Variants in SLC35D2 observed in about 807,000 individuals in gnomAD.
SLC35D2 encodes the protein solute carrier family 35 member D2.
Under a neutral mutation model 41.8 loss-of-function variants are expected in SLC35D2, and 43 were observed. The observed-to-expected ratio is 1.03, with a 90% CI of 0.81 to 1.33. The LOEUF (loss-of-function observed/expected upper bound fraction) is 1.33. SLC35D2 is among the 40% of genes most tolerant of loss of function. The pLI is 0.00. For synonymous variants in SLC35D2, 150 were observed against 163.9 expected (o/e 0.92, Z 0.65); for missense variants, 380 against 408.4 (o/e 0.93, Z 0.60).
At chr9:96,331,922 G>C (rs1479289984) in intron 9 of SLC35D2, among the ~76,000 whole-genome samples, 1 of 152,154 alleles carries the variant, frequency 6.6e-6, no homozygotes, top group East Asian at 1.9e-4. Context: ...ATAATCTGAG[G>C]TGGAAGAGTT....
At chr9:96,336,995 T>TA (rs34806341) in intron 8 of SLC35D2, among the ~76,000 whole-genome samples, 7 of 152,132 alleles carry the variant, frequency 4.6e-5, no homozygotes, top group Non-Finnish European at 1.0e-4. Context: ...CTAGCTTATT[T>TA]AAAAAAAGGA....
intron 6 of SLC35D2, among the ~76,000 whole-genome samples, chr9:96,348,854 G>A (rs532182576): frequency 5.3e-5 from 8 of 152,308 alleles, no homozygotes; most frequent in African/African-American, 1.7e-4. Context: ...ACTGGTTCTG[G>A]AAACGCACCT....
intron 8 of SLC35D2, among the ~76,000 whole-genome samples, chr9:96,341,148 G>T (rs1175158829): frequency 6.6e-6 from 1 of 152,024 alleles, no homozygotes; most frequent in African/African-American, 2.4e-5. Context: ...TTAGCTGGGT[G>T]TGGTGGTGCG....
intron 10 of SLC35D2, among the ~76,000 whole-genome samples, chr9:96,323,554 C>T (rs1374998420): frequency 6.6e-6 from 1 of 152,130 alleles, no homozygotes; most frequent in Admixed American, 6.5e-5. Flanking sequence ...CTCTGAGCCA[C>T]CCCCAACTTA....
At chr9:96,379,807 G>A (rs1358457903) in intron 1 of SLC35D2, among the ~76,000 whole-genome samples, 2 of 151,990 alleles carry the variant, frequency 1.3e-5, no homozygotes, top group African/African-American at 4.8e-5. Context: ...TATTTAAAAG[G>A]ATTATGAGGG....
At chr9:96,354,639 G>A (rs975644200) in intron 4 of SLC35D2, among the ~76,000 whole-genome samples, 7 of 151,696 alleles carry the variant, frequency 4.6e-5, no homozygotes, top group African/African-American at 1.5e-4. Flanking sequence ...GTAGTGGTGC[G>A]TGACTATAAT....
At chr9:96,331,095 G>A (rs546179878) in intron 9 of SLC35D2, among the ~76,000 whole-genome samples, 9 of 152,122 alleles carry the variant, frequency 5.9e-5, no homozygotes, top group South Asian at 2.1e-4. Context: ...ACAGGGTTTC[G>A]CCATGTTGGC....
chr9:96,374,211 C>T (rs1587723573), intron 1 of SLC35D2: 1 of 152,276 alleles, frequency 6.6e-6, no homozygotes, highest in East Asian at 1.9e-4. Context: ...TGAATAGCTT[C>T]TATAATATGA....
chr9:96,381,798 A>T (rs1344906898), intron 1 of SLC35D2, among the ~76,000 whole-genome samples: 1 of 152,114 alleles, frequency 6.6e-6, no homozygotes, highest in Non-Finnish European at 1.5e-5. Flanking sequence ...CAAAAATGAG[A>T]GAAAGAGCTG....
At chr9:96,327,329 C>T (rs1177856268) in intron 9 of SLC35D2, among the ~76,000 whole-genome samples, 1 of 152,162 alleles carries the variant, frequency 6.6e-6, no homozygotes, top group East Asian at 1.9e-4. Flanking sequence ...TCAAGTGATC[C>T]TCCCGCCTGT....
At chr9:96,353,372 G>T (rs200238562) in intron 4 of SLC35D2, among the ~76,000 whole-genome samples, 2 of 58,742 alleles carry the variant, frequency 3.4e-5, no homozygotes, top group African/African-American at 9.6e-5. Context: ...TATTTATTTA[G>T]AGATAGAGTC....
intron 6 of SLC35D2, among the ~76,000 whole-genome samples, chr9:96,349,742 T>A (rs1829733320): frequency 2.0e-5 from 3 of 152,226 alleles, no homozygotes; most frequent in Middle Eastern, 6.8e-3. Context: ...GCCAGGCTGG[T>A]CTCTAACTCC....
intron 10 of SLC35D2, among the ~76,000 whole-genome samples, chr9:96,323,099 T>C (rs1211439956): frequency 6.7e-6 from 1 of 150,250 alleles, no homozygotes; most frequent in Non-Finnish European, 1.5e-5. Flanking sequence ...AAGTAGTGAG[T>C]TAATTATCTT....
chr9:96,364,511 T>G lies in SLC35D2; in HGVS notation c.232A>C (p.Asn78His). Residue 78 changes from asparagine (N) to histidine (H), a missense_variant, in exon 3 of 12, where the codon AAC becomes CAC. By Grantham distance (68) the Asn-to-His change is moderately conservative (BLOSUM62 1). Coordinates refer to ENST00000253270, the MANE Select transcript of SLC35D2 (RefSeq NM_007001.3). The part of the protein sequence containing the change: ...TIMILYVSKL[N>H]KIIHFPDFDK... ...AAATCAGGGAAGTGAATGATTTTGT[T>G]TAGCTTGGACACATATAGTATCATT... 1.2e-6 allele frequency: 2 copies of G among 1,608,636 alleles called. No individual in the cohort carries two copies. The highest frequency in any genetic ancestry group is 1.7e-6 in the Non-Finnish European group (2 of 1,175,732).
intron 11 of SLC35D2, among the ~76,000 whole-genome samples, chr9:96,315,103 G>A (rs547427326): frequency 1.8e-4 from 28 of 152,198 alleles, no homozygotes; most frequent in African/African-American, 4.6e-4. Context: ...GACTCCTCAC[G>A]CTGCCATCTG....
chr9:96,345,460 A>G (rs1829533732), intron 6 of SLC35D2, 59 bp from the exon 7 acceptor site: 5 of 945,964 alleles, frequency 5.3e-6, no homozygotes, highest in South Asian at 4.1e-5. Flanking sequence ...TTGGCCTCCA[A>G]GCCCGCCTGA....
chr9:96,371,303 A>G (rs181922890), intron 1 of SLC35D2, among the ~76,000 whole-genome samples: 17 of 151,478 alleles, frequency 1.1e-4, no homozygotes, highest in Non-Finnish European at 2.4e-4. Context: ...CATCTCTACT[A>G]AAAAATACAA....
intron 4 of SLC35D2, among the ~76,000 whole-genome samples, chr9:96,358,721 G>A (rs1383536916): frequency 6.6e-6 from 1 of 152,180 alleles, no homozygotes; most frequent in East Asian, 1.9e-4. Flanking sequence ...GGGTGTGGTG[G>A]CTCATGCCTG....
chr9:96,346,554 G>C (rs1321970535), intron 6 of SLC35D2, among the ~76,000 whole-genome samples: 1 of 152,134 alleles, frequency 6.6e-6, no homozygotes, highest in Non-Finnish European at 1.5e-5. Context: ...CAAACTTCCT[G>C]ATCTGTTGAT....
Sources: gnomAD v4.1 joint callset for allele counts (sites outside exome capture counted in the v4.1 genomes callset) on GRCh38, gnomAD v4.1.1 for gene constraint, MANE v1.5 for transcripts, NCBI Gene and HGNC (gene_info 2026-07-23, HGNC 2026-07-21) for gene names.